The following KCNH8 variants were observed in gnomAD, a reference collection of about 807,000 sequenced individuals.
KCNH8 encodes the protein potassium voltage-gated channel subfamily H member 8, also known as voltage-gated delayed rectifier potassium channel KCNH8.
Under a neutral mutation model 103.6 loss-of-function variants are expected in KCNH8, and 70 were observed. The ratio of observed to expected loss-of-function variants is 0.68; its 90% confidence interval spans 0.56 to 0.82. KCNH8 has a LOEUF of 0.82. KCNH8 is among the 40% of genes least tolerant of loss of function. The pLI is 0.00. For missense variants in KCNH8, 1,217 were observed against 1,329.9 expected (o/e 0.92, Z 1.32); for synonymous variants, 498 against 489.4 (o/e 1.02, Z -0.23).
At chr3:19,501,176 G>GA (rs779127623) in intron 11 of KCNH8, among the ~76,000 whole-genome samples, 21 of 152,272 alleles carry the variant, frequency 1.4e-4, no homozygotes, top group Non-Finnish European at 2.2e-4. Context: ...GCAAAATCTA[G>GA]AAAAAATGGA....
chr3:19,409,705 G>A (rs985921497), intron 7 of KCNH8, among the ~76,000 whole-genome samples: 6 of 152,028 alleles, frequency 3.9e-5, no homozygotes, highest in Admixed American at 1.3e-4. Context: ...ACAAAGAGTC[G>A]GAGTTACTAT....
At chr3:19,421,525 A>G (rs2066950932) in intron 7 of KCNH8, among the ~76,000 whole-genome samples, 1 of 152,038 alleles carries the variant, frequency 6.6e-6, no homozygotes. Flanking sequence ...ATTCCTTTAC[A>G]TTTCCTTTTT....
chr3:19,352,646 C>T (rs527375619), intron 5 of KCNH8, among the ~76,000 whole-genome samples: 4 of 152,144 alleles, frequency 2.6e-5, no homozygotes, highest in Admixed American at 2.0e-4. Context: ...GGATACATAA[C>T]GAAATGAAGG....
At chr3:19,470,782 A>T (rs1368163186) in intron 11 of KCNH8, among the ~76,000 whole-genome samples, 1 of 152,226 alleles carries the variant, frequency 6.6e-6, no homozygotes, top group Non-Finnish European at 1.5e-5. Flanking sequence ...GTGCTGTGGC[A>T]TTATAGTTTG....
chr3:19,238,178 C>T (rs750629803), intron 1 of KCNH8, among the ~76,000 whole-genome samples: 5 of 152,142 alleles, frequency 3.3e-5, no homozygotes, highest in East Asian at 3.9e-4. Flanking sequence ...TTGGTAACAG[C>T]GAGATCACCG....
At chr3:19,519,098 A>G (rs957606458) in intron 15 of KCNH8, among the ~76,000 whole-genome samples, 12 of 151,940 alleles carry the variant, frequency 7.9e-5, no homozygotes, top group East Asian at 1.9e-4. Context: ...AAATTATTCA[A>G]CCAAGGAGCA....
chr3:19,388,986 A>G (rs1481110878), intron 5 of KCNH8, among the ~76,000 whole-genome samples: 1 of 152,168 alleles, frequency 6.6e-6, no homozygotes, highest in African/African-American at 2.4e-5. Flanking sequence ...TGAGATTATG[A>G]TGATAAAGGA....
intron 1 of KCNH8, among the ~76,000 whole-genome samples, chr3:19,250,175 G>A (rs2064257807): frequency 1.3e-5 from 2 of 152,046 alleles, no homozygotes; most frequent in Non-Finnish European, 2.9e-5. Flanking sequence ...TGAGGTGGGA[G>A]GATCACTTGA....
At chr3:19,194,505 T>A (rs1317214480) in intron 1 of KCNH8, among the ~76,000 whole-genome samples, 1 of 151,868 alleles carries the variant, frequency 6.6e-6, no homozygotes, top group African/African-American at 2.4e-5. Context: ...AAGTGCTTAT[T>A]ATGGACCTAT....
chr3:19,397,693 G>A (rs1258724201), intron 7 of KCNH8, among the ~76,000 whole-genome samples: 5 of 151,592 alleles, frequency 3.3e-5, no homozygotes, highest in African/African-American at 7.3e-5. Context: ...AAAAATGACC[G>A]AAAATTTATC....
At chr3:19,302,182 T>C (rs2065071828) in intron 3 of KCNH8, among the ~76,000 whole-genome samples, 1 of 152,172 alleles carries the variant, frequency 6.6e-6, no homozygotes, top group South Asian at 2.1e-4. Context: ...GATTGGTTCC[T>C]CTGGAAGCCA....
At chr3:19,531,832 T>C (rs1188905418) in intron 15 of KCNH8, among the ~76,000 whole-genome samples, 1 of 150,748 alleles carries the variant, frequency 6.6e-6, no homozygotes, top group African/African-American at 2.4e-5. Flanking sequence ...TTGAACTACC[T>C]CTTTTTGTTT....
At chr3:19,444,534 G>T (rs1559330650) in intron 8 of KCNH8, among the ~76,000 whole-genome samples, 1 of 151,644 alleles carries the variant, frequency 6.6e-6, no homozygotes, top group African/African-American at 2.4e-5. Context: ...TTTATCAAAA[G>T]ACCTTATTAT....
At chr3:19,499,538 C>G (rs1005299463) in intron 11 of KCNH8, among the ~76,000 whole-genome samples, 21 of 152,106 alleles carry the variant, frequency 1.4e-4, no homozygotes, top group Admixed American at 2.0e-4. Context: ...GGCAGCCAGA[C>G]AGAAAGGTCG....
chr3:19,272,080 G>A (rs1352716783), intron 2 of KCNH8, among the ~76,000 whole-genome samples: 3 of 152,000 alleles, frequency 2.0e-5, no homozygotes, highest in East Asian at 3.9e-4. Flanking sequence ...GTTTTTCCTG[G>A]CTTCATTATT....
intron 5 of KCNH8, among the ~76,000 whole-genome samples, chr3:19,366,800 T>G (rs1433191003): frequency 5.9e-5 from 9 of 152,054 alleles, no homozygotes; most frequent in Non-Finnish European, 1.0e-4. Context: ...ACTCCAATAG[T>G]TTTAAGATCA....
chr3:19,443,819 G>C (rs889702817), intron 8 of KCNH8, among the ~76,000 whole-genome samples: 1 of 151,988 alleles, frequency 6.6e-6, no homozygotes, highest in Non-Finnish European at 1.5e-5. Context: ...AATTAAATAT[G>C]TATGAATAAT....
intron 5 of KCNH8, among the ~76,000 whole-genome samples, chr3:19,356,931 G>T (rs888271195): frequency 7.9e-5 from 12 of 151,702 alleles, no homozygotes; most frequent in Admixed American, 4.6e-4. Flanking sequence ...ATTTGAATTT[G>T]TAATCTTGGT....
intron 5 of KCNH8, among the ~76,000 whole-genome samples, chr3:19,364,302 G>A (rs754295440): frequency 1.6e-4 from 25 of 152,038 alleles, no homozygotes; most frequent in Non-Finnish European, 3.2e-4. Context: ...AGCCATTCAC[G>A]CTAATCTAGG....
Sources: allele counts gnomAD v4.1 joint callset (sites outside exome capture counted in the v4.1 genomes callset), GRCh38; gene constraint gnomAD v4.1.1; transcripts MANE v1.5; gene names NCBI Gene and HGNC (gene_info 2026-07-23, HGNC 2026-07-21).